ERP44: variants seen among roughly 807,000 people sequenced by gnomAD.
ERP44 encodes the protein endoplasmic reticulum protein 44.
Under a neutral mutation model 53.4 loss-of-function variants are expected in ERP44, and 25 were observed. That is an observed-to-expected ratio of 0.47 (90% CI 0.34 to 0.65). The LOEUF is 0.65. Among genes scored for constraint, ERP44 ranks in the 30% least tolerant of loss-of-function variants. The probability of loss-of-function intolerance (pLI) is 0.01; values close to 1 mark genes in which losing one functional copy is unlikely to be tolerated. For missense variants in ERP44, 338 were observed against 493.2 expected (o/e 0.69, Z 2.98); for synonymous variants, 145 against 161.2 (o/e 0.90, Z 0.76).
chr9:100,071,807 G>C (rs908143267), intron 1 of ERP44, among the ~76,000 whole-genome samples: 8 of 152,138 alleles, frequency 5.3e-5, no homozygotes, highest in Admixed American at 5.2e-4. Flanking sequence ...TGTAATCCCA[G>C]CTACTTGGGA....
intron 8 of ERP44, among the ~76,000 whole-genome samples, chr9:100,014,232 C>A (rs2118642992): frequency 6.6e-6 from 1 of 152,276 alleles, no homozygotes; most frequent in South Asian, 2.1e-4. Context: ...TGACTTGCTG[C>A]CTGATTCTGT....
rs535889983 is a variant in ERP44, at chr9:99,997,064, T to C, written c.1016+9442A>G. Among the ~76,000 whole-genome samples the C allele has an allele frequency of 3.3e-5, 5 of 152,134 alleles. No individual in the cohort carries two copies. The East Asian group carries it at 9.7e-4, about 29-fold the overall frequency. On this transcript the variant is annotated intron_variant, in intron 10 of 11. Transcript: ENST00000262455. ...ACTTGTTGACTGATGGGCATTTGGG[T>C]TGGTTCCATGATCTTGCAATTGTGA...
chr9:99,987,700 CCCTG>C (rs1830208953), intron 10 of ERP44, among the ~76,000 whole-genome samples: 1 of 152,152 alleles, frequency 6.6e-6, no homozygotes, highest in Non-Finnish European at 1.5e-5. Flanking sequence ...TTCCCATAAC[CCCTG>C]GCAACTGTTG....
intron 1 of ERP44, among the ~76,000 whole-genome samples, chr9:100,077,325 T>C (rs1385378540): frequency 6.6e-6 from 1 of 152,222 alleles, no homozygotes; most frequent in East Asian, 1.9e-4. Flanking sequence ...GGTGTTACCA[T>C]GTTCTCCATC....
intron 10 of ERP44, among the ~76,000 whole-genome samples, chr9:99,989,272 C>T (rs560193144): frequency 1.3e-5 from 2 of 152,306 alleles, no homozygotes; most frequent in East Asian, 1.9e-4. Context: ...CTGGGAGACA[C>T]CTCCCAGTAG....
At chr9:100,031,478 T>C (rs1034498454) in intron 4 of ERP44, among the ~76,000 whole-genome samples, 1 of 152,204 alleles carries the variant, frequency 6.6e-6, no homozygotes, top group African/African-American at 2.4e-5. Flanking sequence ...AGGTTGAGGG[T>C]TCAATTCCTG....
chr9:100,087,057 ATATT>A (rs891718834), intron 1 of ERP44, among the ~76,000 whole-genome samples: 2 of 124,094 alleles, frequency 1.6e-5, no homozygotes, highest in African/African-American at 4.1e-5. Context: ...AAAAGGGAGA[ATATT>A]TATTAAATGA....
chr9:99,985,915 C>T (rs10760708), intron 10 of ERP44, among the ~76,000 whole-genome samples: 1 of 151,878 alleles, frequency 6.6e-6, no homozygotes, highest in Non-Finnish European at 1.5e-5. Context: ...ATTCTCTTTA[C>T]GAAAAAGCTT....
At chr9:100,077,297 A>C (rs1826368404) in intron 1 of ERP44, among the ~76,000 whole-genome samples, 2 of 152,322 alleles carry the variant, frequency 1.3e-5, no homozygotes, top group South Asian at 2.1e-4. Flanking sequence ...CAGTGGACTC[A>C]TGCTCATGAA....
intron 4 of ERP44, among the ~76,000 whole-genome samples, chr9:100,030,595 C>T (rs747112277): frequency 1.3e-5 from 2 of 152,190 alleles, no homozygotes; most frequent in Non-Finnish European, 2.9e-5. Flanking sequence ...TTCCTCTCAG[C>T]TATGAATGGA....
At chr9:100,019,354 G>A (rs1052812016) in intron 6 of ERP44, among the ~76,000 whole-genome samples, 27 of 152,078 alleles carry the variant, frequency 1.8e-4, no homozygotes, top group African/African-American at 6.3e-4. Flanking sequence ...GACCATCCTG[G>A]GCAACATGGT....
At chr9:99,994,648 G>C (rs560648264) in intron 10 of ERP44, among the ~76,000 whole-genome samples, 1 of 151,774 alleles carries the variant, frequency 6.6e-6, no homozygotes, top group Non-Finnish European at 1.5e-5. Context: ...ACTTAAAAAA[G>C]TACAATTAAA....
chr9:100,039,362 C>G (rs1825878730), intron 4 of ERP44, among the ~76,000 whole-genome samples: 2 of 151,996 alleles, frequency 1.3e-5, no homozygotes, highest in Admixed American at 6.6e-5. Context: ...TGGAATAAAA[C>G]TAGAAATGGA....
At chr9:100,074,932 G>C (rs1259770688) in intron 1 of ERP44, among the ~76,000 whole-genome samples, 1 of 152,208 alleles carries the variant, frequency 6.6e-6, no homozygotes, top group Non-Finnish European at 1.5e-5. Flanking sequence ...AATTGGCAGA[G>C]ACACACTTAG....
intron 4 of ERP44, among the ~76,000 whole-genome samples, chr9:100,041,347 A>G (rs956658528): frequency 1.3e-5 from 2 of 152,138 alleles, no homozygotes; most frequent in African/African-American, 2.4e-5. Flanking sequence ...GCACCAACCT[A>G]TAACCAAAAC....
At chr9:100,065,107 A>T (rs1826194552) in intron 1 of ERP44, among the ~76,000 whole-genome samples, 1 of 152,164 alleles carries the variant, frequency 6.6e-6, no homozygotes, top group African/African-American at 2.4e-5. Flanking sequence ...TCACTGACTC[A>T]CCCAGAGCAA....
chr9:100,024,194 A>AC (rs1830627117), intron 4 of ERP44, among the ~76,000 whole-genome samples: 1 of 148,976 alleles, frequency 6.7e-6, no homozygotes, highest in Non-Finnish European at 1.5e-5. Context: ...AACAACAACA[A>AC]AGTTACTATT....
chr9:100,052,141 C>G (rs1349494217), intron 4 of ERP44, among the ~76,000 whole-genome samples: 5 of 151,992 alleles, frequency 3.3e-5, no homozygotes, highest in Middle Eastern at 3.4e-3. Flanking sequence ...TAGTTTTGTT[C>G]CCTACGCTTG....
At chr9:99,991,496 C>G (rs1489987686) in intron 10 of ERP44, among the ~76,000 whole-genome samples, 1 of 152,192 alleles carries the variant, frequency 6.6e-6, no homozygotes, top group Non-Finnish European at 1.5e-5. Flanking sequence ...ACCAGGGTCT[C>G]TGGGAAACAT....
Sources: allele counts gnomAD v4.1 joint callset (sites outside exome capture counted in the v4.1 genomes callset), GRCh38; gene constraint gnomAD v4.1.1; transcripts MANE v1.5; gene names NCBI Gene and HGNC (gene_info 2026-07-23, HGNC 2026-07-21).